CIROZ: variants seen among roughly 807,000 people sequenced by gnomAD.
CIROZ encodes ciliated left-right organizer protein containing ZP-N domains, also known as ciliated left-right organizer ZP-N domains-containing protein.
At chr1:10,951,155 C>T in the CIROZ span, among the ~76,000 whole-genome samples, 2 of 152,120 alleles carry the variant, frequency 1.3e-5, no homozygotes, top group Admixed American at 1.3e-4. Context: ...GAAAACAGGC[C>T]GGGCACAGTG....
At chr1:10,975,407 G>GAAAAAAAAAAA in the CIROZ span, among the ~76,000 whole-genome samples, 1 of 78,780 alleles carries the variant, frequency 1.3e-5, no homozygotes, top group Non-Finnish European at 2.9e-5. Context: ...CTCTGTCTCA[G>GAAAAAAAAAAA]AAAAAAAAAA....
the CIROZ span, among the ~76,000 whole-genome samples, chr1:10,954,453 CA>C: frequency 1.1e-3 from 126 of 117,268 alleles, no homozygotes; most frequent in Non-Finnish European, 1.3e-3. Flanking sequence ...GACTCTGTCT[CA>C]AAAAAAAAAA....
At chr1:10,947,860 G>A in the CIROZ span, 1 of 1,608,640 alleles carries the variant, frequency 6.2e-7, no homozygotes, top group Non-Finnish European at 8.5e-7. Flanking sequence ...CTCAGGGTTT[G>A]CGTGGATGGA....
the CIROZ span, among the ~76,000 whole-genome samples, chr1:10,960,076 GAAGCAATTCTGCTA>G: frequency 6.6e-6 from 1 of 152,146 alleles, no homozygotes; most frequent in Non-Finnish European, 1.5e-5. This position sits in a 1 kb window ranked among gnomAD's most constrained non-coding sequence, Gnocchi z 4.6. Context: ...AAGAAGGAGG[GAAGCAATTCTGCTA>G]AAAGAAGGAA....
chr1:10,948,031 G>A, the CIROZ span: 16 of 1,613,408 alleles, frequency 9.9e-6, no homozygotes, highest in African/African-American at 1.9e-4. Context: ...TCCATAGGAA[G>A]AACTGCCAGG....
chr1:10,961,671 C>T, the CIROZ span, among the ~76,000 whole-genome samples: 2 of 152,170 alleles, frequency 1.3e-5, no homozygotes, highest in African/African-American at 4.8e-5. Flanking sequence ...GGGCCAGGCG[C>T]GGCAGCTCAC....
chr1:10,960,319 G>C, the CIROZ span, among the ~76,000 whole-genome samples: 4 of 152,102 alleles, frequency 2.6e-5, no homozygotes, highest in Non-Finnish European at 5.9e-5. The surrounding 1 kb of genome is among the most constrained non-coding windows in gnomAD (Gnocchi z 4.6). Flanking sequence ...CACGAGGTTC[G>C]CTTCAACCTG....
the CIROZ span, among the ~76,000 whole-genome samples, chr1:10,978,541 T>C: frequency 2.6e-5 from 4 of 151,700 alleles, no homozygotes; most frequent in Non-Finnish European, 5.9e-5. Context: ...AGACTCGATG[T>C]CTACAAAAAG....
At chr1:10,967,545 G>GTTATATTGAT in the CIROZ span, among the ~76,000 whole-genome samples, 2 of 152,286 alleles carry the variant, frequency 1.3e-5, no homozygotes, top group East Asian at 3.9e-4. Flanking sequence ...TGGCTTATTT[G>GTTATATTGAT]TTATATTGAT....
the CIROZ span, among the ~76,000 whole-genome samples, chr1:10,964,448 G>A: frequency 2.6e-5 from 4 of 152,196 alleles, no homozygotes; most frequent in Admixed American, 2.0e-4. Flanking sequence ...CGGAGCTTGG[G>A]TCTGGCTCTG....
At chr1:10,981,604 T>C in the CIROZ span, among the ~76,000 whole-genome samples, 4 of 152,112 alleles carry the variant, frequency 2.6e-5, no homozygotes, top group Admixed American at 6.6e-5. Context: ...TACAATCGAA[T>C]AGCTAGCGAC....
chr1:10,964,328 C>T, the CIROZ span: 13 of 1,532,524 alleles, frequency 8.5e-6, no homozygotes, highest in Middle Eastern at 1.7e-4. Flanking sequence ...CAGTTAATAG[C>T]CTGCAATTAT....
the CIROZ span, chr1:10,964,107 C>G: frequency 2.4e-5 from 39 of 1,611,090 alleles, no homozygotes; most frequent in Non-Finnish European, 2.5e-5. Flanking sequence ...TGCCACCTCC[C>G]AGACCCCCCG....
the CIROZ span, among the ~76,000 whole-genome samples, chr1:10,951,551 TAA>T: frequency 4.0e-4 from 50 of 125,528 alleles, no homozygotes; most frequent in African/African-American, 4.3e-4. Context: ...TGTCTCGGGG[TAA>T]AAAAAAAAAA....
the CIROZ span, chr1:10,948,243 C>A: frequency 1.2e-6 from 2 of 1,613,968 alleles, no homozygotes; most frequent in Non-Finnish European, 1.7e-6. Context: ...CCTGGGGAGA[C>A]CAGGCCCTGT....
chr1:10,978,084 G>A, the CIROZ span, among the ~76,000 whole-genome samples: 47 of 151,026 alleles, frequency 3.1e-4, no homozygotes, highest in Admixed American at 1.4e-3. Flanking sequence ...CAGGAGAATC[G>A]CTTGAACCCG....
At chr1:10,968,073 C>T in the CIROZ span, among the ~76,000 whole-genome samples, 6 of 152,140 alleles carry the variant, frequency 3.9e-5, no homozygotes. Flanking sequence ...GCAGAAGAAT[C>T]GCTTAAACCC....
chr1:10,980,023 G>A, the CIROZ span, among the ~76,000 whole-genome samples: 4 of 152,168 alleles, frequency 2.6e-5, no homozygotes, highest in East Asian at 5.8e-4. Flanking sequence ...CTCCAGCCTG[G>A]GCAACAAGAG....
the CIROZ span, among the ~76,000 whole-genome samples, chr1:10,960,755 C>A: frequency 6.6e-6 from 1 of 152,240 alleles, no homozygotes; most frequent in South Asian, 2.1e-4. The surrounding 1 kb of genome is among the most constrained non-coding windows in gnomAD (Gnocchi z 4.6). Context: ...TATCTATGTG[C>A]CCTGTGCCCA....
Sources: allele counts gnomAD v4.1 joint callset (sites outside exome capture counted in the v4.1 genomes callset), GRCh38; gene constraint gnomAD v4.1.1; non-coding constraint Gnocchi (gnomAD v3.1); transcripts MANE v1.5; gene names NCBI Gene and HGNC (gene_info 2026-07-23, HGNC 2026-07-21).